The following DDHD1 variants were observed in gnomAD, a reference collection of about 807,000 sequenced individuals.
The protein encoded by DDHD1 is phospholipase DDHD1.
In DDHD1, 49 loss-of-function variants were observed where a neutral mutation model predicts 96.4. The observed-to-expected ratio is 0.51, with a 90% CI of 0.40 to 0.64. The LOEUF is 0.64. DDHD1 is among the 30% of genes least tolerant of loss of function. DDHD1 has a pLI of 0.00. For synonymous variants in DDHD1, 442 were observed against 446.5 expected (o/e 0.99, Z 0.13); for missense variants, 1,106 against 1,161.2 (o/e 0.95, Z 0.69).
chr14:53,049,128 T>C (rs1882307180), intron 12 of DDHD1: 1 of 152,250 alleles, frequency 6.6e-6, no homozygotes, highest in African/African-American at 2.4e-5. Context: ...CTGCCTTTCA[T>C]TGAGTAGGCA....
rs762010889 is a variant in DDHD1 at position 53,046,321 on chromosome 14, T to G, written c.*447A>C. ...AATCTGTTATATTTTTTCAAAGGGATGTACAAATGAAAGCCTTCATAGAAA... is the reference window on the plus strand; with the variant it reads ...AATCTGTTATATTTTTTCAAAGGGAGGTACAAATGAAAGCCTTCATAGAAA... On this transcript the variant is annotated 3_prime_UTR_variant, in exon 13 of 13. Transcript: ENST00000673822. The G allele has an allele frequency of 6.6e-6, 1 of 152,346 alleles. No individual in the cohort carries two copies. Among genetic ancestry groups the G allele is most frequent in the African/African-American group, 2.4e-5 (1 of 41,470 alleles). 9.4% of individuals were successfully genotyped at this position (152,346 alleles called of 1,614,324 possible).
chr14:53,113,047 C>A (rs1232556130), intron 1 of DDHD1, among the ~76,000 whole-genome samples: 1 of 152,052 alleles, frequency 6.6e-6, no homozygotes, highest in Admixed American at 6.6e-5. Context: ...GCAACCTCCA[C>A]CTCCCAGGTT....
chr14:53,125,012 C>T (rs1264670921), intron 1 of DDHD1, among the ~76,000 whole-genome samples: 1 of 151,848 alleles, frequency 6.6e-6, no homozygotes, highest in Non-Finnish European at 1.5e-5. Flanking sequence ...CTCTGTGTGC[C>T]CAAATTCCCT....
At chr14:53,058,661 G>A in intron 8 of DDHD1, 35 bp from the exon 9 acceptor site, 6 of 1,559,282 alleles carry the variant, frequency 3.8e-6, no homozygotes, top group South Asian at 3.6e-5. Flanking sequence ...GTTTAAAAAT[G>A]GTGAAGTGTT....
intron 6 of DDHD1, among the ~76,000 whole-genome samples, chr14:53,063,798 T>A (rs917137871): frequency 3.3e-5 from 5 of 152,096 alleles, no homozygotes; most frequent in African/African-American, 1.2e-4. Context: ...AAGTAAAAAG[T>A]TGTTTTCTAT....
intron 6 of DDHD1, among the ~76,000 whole-genome samples, chr14:53,068,117 C>T (rs1292041899): frequency 2.0e-5 from 3 of 152,028 alleles, no homozygotes; most frequent in Non-Finnish European, 4.4e-5. Flanking sequence ...CTAATAATAT[C>T]TTTTATTGCA....
At chr14:53,119,036 A>G (rs1197750980) in intron 1 of DDHD1, among the ~76,000 whole-genome samples, 2 of 152,188 alleles carry the variant, frequency 1.3e-5, no homozygotes, top group Admixed American at 6.5e-5. Flanking sequence ...AGGATTTTCA[A>G]CCCAGAATCT....
chr14:53,139,843 CAAAA>C (rs56999105), intron 1 of DDHD1, among the ~76,000 whole-genome samples: 3 of 131,260 alleles, frequency 2.3e-5, no homozygotes, highest in Non-Finnish European at 4.9e-5. Context: ...CAAGAGACCA[CAAAA>C]AAAAAAAAAA....
intron 2 of DDHD1, among the ~76,000 whole-genome samples, chr14:53,098,945 G>C (rs1887096836): frequency 6.6e-6 from 1 of 151,854 alleles, no homozygotes; most frequent in Non-Finnish European, 1.5e-5. Flanking sequence ...CCTTTTAACT[G>C]GAGTATTAAT....
intron 1 of DDHD1, among the ~76,000 whole-genome samples, chr14:53,115,253 G>A (rs958536144): frequency 6.6e-6 from 1 of 152,158 alleles, no homozygotes; most frequent in African/African-American, 2.4e-5. Context: ...AAGTTTAACT[G>A]GTATACCTGA....
rs1005541219 is a variant in DDHD1, at chr14:53,046,075, T to C, written c.*693A>G. On this transcript the variant is annotated 3_prime_UTR_variant, in exon 13 of 13. Coordinates refer to ENST00000673822, the MANE Select transcript of DDHD1 (RefSeq NM_001160148.2). ...AAAAAAATGTATGCCACAGTGTCTA[T>C]ATATTCATCTGAAGAGTACAAAGAT... 1 of 152,196 alleles carries C rather than the reference T, an allele frequency of 6.6e-6. No homozygotes were observed. Among genetic ancestry groups the C allele is most frequent in the Admixed American group, 6.5e-5 (1 of 15,276 alleles). 9.4% of individuals were successfully genotyped at this position (152,196 alleles called of 1,614,324 possible).
In DDHD1 at chr14:53,152,441, C is replaced by T. The variant is rs1279186918; in HGVS notation, c.658G>A (p.Gly220Ser). 1 of 1,613,484 alleles carries T rather than the reference C, an allele frequency of 6.2e-7. No homozygotes were observed. Among genetic ancestry groups the T allele is most frequent in the Non-Finnish European group, 8.5e-7 (1 of 1,179,926 alleles). The change falls in exon 1 of 13, where the codon GGC becomes AGC. Residue 220 changes from glycine (G) to serine (S), a missense_variant. Around this residue, in one of 2 missense-constraint regions of DDHD1, gnomAD observed 456 missense variants for 402.4 expected, o/e 1.13. Coordinates refer to ENST00000673822, the MANE Select transcript of DDHD1 (RefSeq NM_001160148.2). ...TCTTCTCCGGAACTGGAGGCTGGGC[C>T]CGTGGGGGAGCACACATGGTCGCCG... ...RDGDHVCSPT[G>S]PASSSGEDDD... is the part of the protein sequence containing the mutation.
chr14:53,056,520 C>T (rs914363391), intron 9 of DDHD1, among the ~76,000 whole-genome samples: 1 of 152,104 alleles, frequency 6.6e-6, no homozygotes, highest in African/African-American at 2.4e-5. Context: ...TGGTCTCAAA[C>T]TCCTGGGCTC....
At chr14:53,070,167 T>C (rs544228911) in intron 6 of DDHD1, among the ~76,000 whole-genome samples, 1 of 152,174 alleles carries the variant, frequency 6.6e-6, no homozygotes, top group Non-Finnish European at 1.5e-5. Context: ...TCCTCCTCCC[T>C]CCACTCTCAC....
Position 53,152,337 on chromosome 14 carries a change from G to C in DDHD1, c.762C>G (p.Ile254Met). The C allele has an allele frequency of 6.2e-7, 1 of 1,613,952 alleles. No homozygotes were observed. The highest frequency in any genetic ancestry group is 8.5e-7 in the Non-Finnish European group (1 of 1,179,954). The change falls in exon 1 of 13, where the codon ATC becomes ATG. Residue 254 changes from isoleucine to methionine, a missense_variant. Transcript: ENST00000673822. The part of the protein sequence containing the change: ...HEPEMVELVN[I>M]EPVCVRGGLY... The stretch of plus-strand genomic sequence containing the variant: ...GGCCGCCCCGCACGCACACAGGCTC[G>C]ATGTTCACAAGCTCCACCATCTCCG...
intron 1 of DDHD1, among the ~76,000 whole-genome samples, chr14:53,150,691 T>C (rs927714306): frequency 1.3e-5 from 2 of 152,062 alleles, no homozygotes; most frequent in South Asian, 4.1e-4. Context: ...ACTTCTATCT[T>C]CAGGAAAAAA....
intron 1 of DDHD1, among the ~76,000 whole-genome samples, chr14:53,126,605 C>T (rs904449391): frequency 2.0e-5 from 3 of 151,986 alleles, no homozygotes; most frequent in Non-Finnish European, 2.9e-5. Flanking sequence ...TGGGCTCAAG[C>T]AATCCATCCA....
In DDHD1 at chr14:53,055,929, A is replaced by C. The variant is rs112572275; in HGVS notation, c.1993-17T>G. 788 of 1,591,622 alleles carry C rather than the reference A, an allele frequency of 5.0e-4. 9 individuals are homozygous for C. In the African/African-American group the frequency reaches 1.0e-2, roughly 20 times the overall value. On this transcript the variant is annotated splice_polypyrimidine_tract_variant and intron_variant, in intron 9 of 12. Coordinates refer to ENST00000673822, the MANE Select transcript of DDHD1 (RefSeq NM_001160148.2). ...TCTATAAGCCTTGATTTAAAAAAAA[A>C]AATTCAAAGAAACACAGTGTTAAAT... is the stretch of plus-strand genomic sequence containing the variant.
intron 1 of DDHD1, among the ~76,000 whole-genome samples, chr14:53,118,593 AAGAAG>A: frequency 6.6e-6 from 1 of 152,318 alleles, no homozygotes; most frequent in East Asian, 1.9e-4. Flanking sequence ...GAAATAAAAC[AAGAAG>A]AGAAGTTTAG....
Sources: gnomAD v4.1 joint callset for allele counts (sites outside exome capture counted in the v4.1 genomes callset) on GRCh38, gnomAD v4.1.1 for gene constraint, gnomAD v4.1.1 regional missense constraint, MANE v1.5 for transcripts, NCBI Gene and HGNC (gene_info 2026-07-23, HGNC 2026-07-21) for gene names.